MAGI1: variants seen among roughly 807,000 people sequenced by gnomAD.
The protein encoded by MAGI1 is membrane associated guanylate kinase, WW and PDZ domain containing 1, also known as membrane-associated guanylate kinase, WW and PDZ domain-containing protein 1.
In MAGI1, 58 loss-of-function variants were observed where a neutral mutation model predicts 139.9. The observed-to-expected ratio is 0.41, with a 90% CI of 0.34 to 0.52. The LOEUF (loss-of-function observed/expected upper bound fraction) is 0.52, where lower values mean the gene tolerates loss of function less well. MAGI1 is among the 20% of genes least tolerant of loss of function. MAGI1 has a pLI of 0.12. For synonymous variants in MAGI1, 812 were observed against 737.9 expected, an observed-to-expected ratio of 1.10 and a Z score of -1.63; for missense variants, 1,874 against 1,901.6, an observed-to-expected ratio of 0.99 and a Z score of 0.27.
intron 1 of MAGI1, among the ~76,000 whole-genome samples, chr3:65,798,427 C>T (rs1046790404): frequency 1.9e-4 from 29 of 152,154 alleles, no homozygotes; most frequent in African/African-American, 7.0e-4. Flanking sequence ...ACCCATGGAG[C>T]AGACATCATT....
intron 1 of MAGI1, chr3:65,688,285 T>C: frequency 1.2e-6 from 1 of 839,626 alleles, no homozygotes; most frequent in Non-Finnish European, 2.0e-6. Flanking sequence ...TTTAGGAAGA[T>C]CCTTGGCCAG....
chr3:65,578,133 C>T (rs919978860), intron 2 of MAGI1, among the ~76,000 whole-genome samples: 8 of 152,156 alleles, frequency 5.3e-5, no homozygotes, highest in South Asian at 4.1e-4. Flanking sequence ...TTCCTCCAGC[C>T]GCCAAGACAA....
intron 17 of MAGI1, 54 bp from the exon 18 acceptor site, chr3:65,375,999 G>A (rs2106851221): frequency 3.7e-6 from 5 of 1,366,354 alleles, no homozygotes; most frequent in Middle Eastern, 1.8e-4. Context: ...ATATAGCAAA[G>A]GGAAGAGAAA....
At chr3:65,476,617 A>C (rs1352265989) in intron 4 of MAGI1, among the ~76,000 whole-genome samples, 3 of 152,218 alleles carry the variant, frequency 2.0e-5, no homozygotes, top group Admixed American at 6.5e-5. Context: ...TAGAGGACAA[A>C]TACAGGCACA....
intron 18 of MAGI1, among the ~76,000 whole-genome samples, chr3:65,369,448 G>A (rs1268260103): frequency 1.3e-5 from 2 of 152,008 alleles, no homozygotes; most frequent in Non-Finnish European, 2.9e-5. Flanking sequence ...CTGCACAAAG[G>A]GCAGAGCATC....
intron 22 of MAGI1, among the ~76,000 whole-genome samples, chr3:65,357,809 T>G (rs1940347703): frequency 6.6e-6 from 1 of 152,106 alleles, no homozygotes; most frequent in Non-Finnish European, 1.5e-5. Context: ...AGAGGCAACA[T>G]GCTGGCCAGA....
intron 22 of MAGI1, chr3:65,359,053 G>T (rs1391406741): frequency 1.2e-6 from 2 of 1,611,530 alleles, no homozygotes; most frequent in Admixed American, 1.7e-5. Flanking sequence ...AGTATTGATT[G>T]AGCTACAAAC....
At chr3:65,657,606 A>T (rs2085953321) in intron 1 of MAGI1, among the ~76,000 whole-genome samples, 2 of 152,206 alleles carry the variant, frequency 1.3e-5, no homozygotes. Flanking sequence ...TAAAGGAGTC[A>T]GTAAGTTGAA....
intron 13 of MAGI1, among the ~76,000 whole-genome samples, chr3:65,399,838 C>A (rs1356392856): frequency 2.0e-5 from 3 of 152,156 alleles, no homozygotes; most frequent in Non-Finnish European, 4.4e-5. Flanking sequence ...TTACAAAAAT[C>A]CTTTGCACAC....
intron 1 of MAGI1, among the ~76,000 whole-genome samples, chr3:65,832,626 T>C (rs1206028118): frequency 6.6e-6 from 1 of 152,074 alleles, no homozygotes; most frequent in East Asian, 1.9e-4. Flanking sequence ...AATTACCATG[T>C]GTTTTGGAGC....
chr3:65,447,258 G>C (rs751855142), intron 7 of MAGI1, among the ~76,000 whole-genome samples: 9 of 152,160 alleles, frequency 5.9e-5, no homozygotes, highest in Non-Finnish European at 1.3e-4. Context: ...TTTTAATGTT[G>C]TTCAAGGTTG....
chr3:65,968,603 ATATAT>A (rs1407487854), intron 1 of MAGI1, among the ~76,000 whole-genome samples: 1 of 151,192 alleles, frequency 6.6e-6, no homozygotes. Context: ...TATAATATAT[ATATAT>A]TATATTTTTT....
rs1345689241 is a variant in MAGI1 at position 65,698,797 on chromosome 3, A to C, written c.314-76709T>G. Among the ~76,000 whole-genome samples the C allele has an allele frequency of 2.8e-5, 4 of 145,328 alleles. No individual in the cohort carries two copies. The East Asian group carries it at 8.3e-4, about 30-fold the overall frequency. On this transcript the variant is annotated intron_variant, in intron 1 of 22. Transcript: ENST00000402939. ...CCTAGAAGAAAACCTAGGCATTACC[A>C]TTCAGGACATAGGCGTGGGCAAGGA... is the stretch of plus-strand genomic sequence containing the variant.
intron 10 of MAGI1, among the ~76,000 whole-genome samples, chr3:65,432,608 G>T (rs946038838): frequency 2.6e-5 from 4 of 152,174 alleles, no homozygotes; most frequent in African/African-American, 9.6e-5. Context: ...TGTCATAGTG[G>T]CTAAAGAAAG....
chr3:65,555,681 C>A (rs965317906), intron 2 of MAGI1, among the ~76,000 whole-genome samples: 1 of 152,086 alleles, frequency 6.6e-6, no homozygotes, highest in African/African-American at 2.4e-5. Context: ...CAAGGTGAGA[C>A]CCCGTCTCTA....
intron 1 of MAGI1, among the ~76,000 whole-genome samples, chr3:65,631,344 T>C (rs1576539541): frequency 6.6e-6 from 1 of 152,208 alleles, no homozygotes; most frequent in Non-Finnish European, 1.5e-5. Context: ...ATGCCACATA[T>C]ATGGATTTAT....
chr3:65,997,433 G>A (rs906889440), intron 1 of MAGI1, among the ~76,000 whole-genome samples: 2 of 152,048 alleles, frequency 1.3e-5, no homozygotes, highest in African/African-American at 4.8e-5. Flanking sequence ...GAGGCAGGTG[G>A]ATCACGAGGT....
chr3:65,408,446 G>C (rs1178056026), intron 12 of MAGI1, among the ~76,000 whole-genome samples: 2 of 152,148 alleles, frequency 1.3e-5, no homozygotes, highest in Non-Finnish European at 2.9e-5. Flanking sequence ...TATTTGTTGG[G>C]GGTAGTAGGT....
At chr3:65,591,042 C>G (rs943964079) in intron 2 of MAGI1, among the ~76,000 whole-genome samples, 2 of 152,192 alleles carry the variant, frequency 1.3e-5, no homozygotes, top group African/African-American at 4.8e-5. Flanking sequence ...TCACAATACA[C>G]ACAAAGCTAC....
Sources: allele counts gnomAD v4.1 joint callset (sites outside exome capture counted in the v4.1 genomes callset), GRCh38; gene constraint gnomAD v4.1.1; transcripts MANE v1.5; gene names NCBI Gene and HGNC (gene_info 2026-07-23, HGNC 2026-07-21).